Variants in SMAD2 observed in about 807,000 individuals in gnomAD.
The protein encoded by SMAD2 is MAD homolog 2.
Under a neutral mutation model 64.4 loss-of-function variants are expected in SMAD2, and 8 were observed. That is an observed-to-expected ratio of 0.12 (90% CI 0.07 to 0.22). The LOEUF is 0.22. Among genes scored for constraint, SMAD2 ranks in the 10% least tolerant of loss-of-function variants. The pLI, the probability that SMAD2 is intolerant of heterozygous loss-of-function variation, is 1.00. For synonymous variants in SMAD2, 203 were observed against 195.8 expected (o/e 1.04, Z -0.31); for missense variants, 289 against 561.2 (o/e 0.51, Z 4.90).
At position 47,824,957 on chromosome 18, in the gene SMAD2, T is replaced by C. The variant is rs2144241666; in HGVS notation, c.*16870A>G. ...GCTGTGAGTGAAGCTTCAAACATTT[T>C]CCATTGAATATACACAGACATACAA... On this transcript the variant is annotated 3_prime_UTR_variant, in exon 11 of 11. Coordinates refer to ENST00000262160, the MANE Select transcript of SMAD2 (RefSeq NM_005901.6). 6.6e-6 allele frequency: 1 copy of C among 152,354 alleles called. No homozygotes were observed. Among genetic ancestry groups the C allele is most frequent in the East Asian group, 1.9e-4 (1 of 5,194 alleles). The allele number at this position is 152,354 out of a possible 1,614,324, so 9.4% of individuals were successfully genotyped here.
intron 5 of SMAD2, 98 bp from the exon 6 acceptor site, chr18:47,865,231 AAAT>A (rs1423349574): frequency 7.1e-6 from 5 of 707,664 alleles, no homozygotes; most frequent in Non-Finnish European, 1.0e-5. Context: ...TCCAAATAAC[AAAT>A]AATAATGTTA....
chr18:47,898,019 C>T (rs1371064404), intron 1 of SMAD2, among the ~76,000 whole-genome samples: 1 of 152,148 alleles, frequency 6.6e-6, no homozygotes, highest in Non-Finnish European at 1.5e-5. Flanking sequence ...TTTAAGAAAA[C>T]AATGATGCTT....
At chr18:47,870,165 A>G (rs1158560732) in intron 3 of SMAD2, among the ~76,000 whole-genome samples, 1 of 152,156 alleles carries the variant, frequency 6.6e-6, no homozygotes, top group Non-Finnish European at 1.5e-5. Flanking sequence ...TATCTACTTA[A>G]AAATTAGGCC....
At chr18:47,853,528 G>A (rs1465027822) in intron 6 of SMAD2, 1 of 188,806 alleles carries the variant, frequency 5.3e-6, no homozygotes, top group Non-Finnish European at 1.0e-5. Flanking sequence ...TGTCTCGAGA[G>A]GGAAAAAAAA....
At chr18:47,873,161 G>C (rs924439733) in intron 2 of SMAD2, among the ~76,000 whole-genome samples, 1 of 152,034 alleles carries the variant, frequency 6.6e-6, no homozygotes, top group Admixed American at 6.6e-5. Context: ...TTTTTTATCA[G>C]AACTTGAGCA....
chr18:47,842,563 G>T (rs1157182060), intron 10 of SMAD2, among the ~76,000 whole-genome samples: 1 of 151,990 alleles, frequency 6.6e-6, no homozygotes, highest in Non-Finnish European at 1.5e-5. Context: ...AAAAAAATCA[G>T]GCCAAAAGGA....
rs1598731372 is a variant in SMAD2, at chr18:47,834,784, A to G, written c.*7043T>C. 2 of 220,830 alleles carry G rather than the reference A, an allele frequency of 9.1e-6. No individual in the cohort carries two copies. Among genetic ancestry groups the G allele is most frequent in the East Asian group, 1.3e-4 (2 of 15,146 alleles). 13.7% of individuals were successfully genotyped at this position (220,830 alleles called of 1,614,324 possible). A position where few individuals can be genotyped will look rare whatever the true frequency, so the allele number is the denominator to read the frequency against. ...GCTTTGTCCAGTTATATGGTATTTT[A>G]CTGTATTCTCTTTTTGCAATTAATC... On this transcript the variant is annotated 3_prime_UTR_variant, in exon 11 of 11. Transcript: ENST00000262160.
At chr18:47,922,853 A>G (rs1477627487) in intron 1 of SMAD2, among the ~76,000 whole-genome samples, 1 of 151,924 alleles carries the variant, frequency 6.6e-6, no homozygotes, top group Non-Finnish European at 1.5e-5. Context: ...CTAGTAAGGA[A>G]AGACACTGCC....
intron 2 of SMAD2, among the ~76,000 whole-genome samples, chr18:47,888,255 G>C (rs1026394537): frequency 3.9e-5 from 6 of 152,036 alleles, no homozygotes; most frequent in Non-Finnish European, 7.4e-5. Context: ...ATGAGATCCA[G>C]ATGAACTAAA....
intron 6 of SMAD2, among the ~76,000 whole-genome samples, chr18:47,854,449 C>G (rs2030467033): frequency 6.6e-6 from 1 of 152,192 alleles, no homozygotes; most frequent in African/African-American, 2.4e-5. Flanking sequence ...CACCGTGTCA[C>G]TACATGTTGA....
intron 1 of SMAD2, among the ~76,000 whole-genome samples, chr18:47,899,982 T>C (rs1295437580): frequency 6.6e-6 from 1 of 152,124 alleles, no homozygotes; most frequent in Non-Finnish European, 1.5e-5. Flanking sequence ...AGGATGCCAC[T>C]TACTAGCTGC....
At chr18:47,909,954 G>C (rs2034059337) in intron 1 of SMAD2, among the ~76,000 whole-genome samples, 1 of 152,034 alleles carries the variant, frequency 6.6e-6, no homozygotes, top group Non-Finnish European at 1.5e-5. Context: ...CCATGGAAAA[G>C]ACCGTCAATG....
intron 1 of SMAD2, among the ~76,000 whole-genome samples, chr18:47,924,933 TA>T (rs1443062689): frequency 6.6e-6 from 1 of 152,232 alleles, no homozygotes; most frequent in Middle Eastern, 3.2e-3. Flanking sequence ...ACAGATTCAC[TA>T]TGCTACTTCC....
chr18:47,909,068 TA>T (rs74172082), intron 1 of SMAD2, among the ~76,000 whole-genome samples: 72,587 of 136,890 alleles, frequency 0.53, 18,110 homozygotes, highest in East Asian at 0.77. Flanking sequence ...GAACTACAGC[TA>T]AAAAAAAAAA....
At chr18:47,906,156 AGG>A (rs2033894860) in intron 1 of SMAD2, among the ~76,000 whole-genome samples, 1 of 151,992 alleles carries the variant, frequency 6.6e-6, no homozygotes, top group African/African-American at 2.4e-5. Flanking sequence ...AAAAAAATAC[AGG>A]CTGAGCATCA....
intron 6 of SMAD2, 31 bp downstream of exon 6, chr18:47,865,028 A>C (rs1204596458): frequency 7.9e-7 from 1 of 1,262,074 alleles, no homozygotes; most frequent in Non-Finnish European, 1.2e-6. Flanking sequence ...ATATCTAATA[A>C]CTGAGGAATT....
chr18:47,901,301 T>C (rs1045716743), intron 1 of SMAD2, among the ~76,000 whole-genome samples: 2 of 152,190 alleles, frequency 1.3e-5, no homozygotes, highest in African/African-American at 4.8e-5. Context: ...AAAGTCTCCT[T>C]TGCCTGATTG....
chr18:47,820,894 T>TAC lies in SMAD2; in HGVS notation c.*20932_*20933insGT, dbSNP rs1491457689. On this transcript the variant is annotated 3_prime_UTR_variant, in exon 11 of 11. Transcript: ENST00000262160. ...GATAGTGTAAATGCTATACATGCAC[T>TAC]ATACACACACACACACACACACACA... 11 of 102,974 alleles carry TAC rather than the reference T, an allele frequency of 1.1e-4. No individual in the cohort carries two copies. Among genetic ancestry groups the TAC allele is most frequent in the Non-Finnish European group, 1.6e-4 (8 of 50,600 alleles). The allele number at this position is 102,974 out of a possible 1,614,324, so 6.4% of individuals were successfully genotyped here. A position where few individuals can be genotyped will look rare whatever the true frequency, so the allele number is the denominator to read the frequency against.
chr18:47,871,315 G>A (rs2031919637), intron 2 of SMAD2, among the ~76,000 whole-genome samples: 1 of 152,318 alleles, frequency 6.6e-6, no homozygotes. Flanking sequence ...TTTCTGAAAA[G>A]TCCATTTCTT....
Sources: gnomAD v4.1 joint callset for allele counts (sites outside exome capture counted in the v4.1 genomes callset) on GRCh38, gnomAD v4.1.1 for gene constraint, MANE v1.5 for transcripts, NCBI Gene and HGNC (gene_info 2026-07-23, HGNC 2026-07-21) for gene names.